KLHL22: variants seen among roughly 807,000 people sequenced by gnomAD.
The protein encoded by KLHL22 is kelch like family member 22, also known as kelch-like protein 22.
KLHL22 carries 18 observed loss-of-function variants against 60.7 expected under a neutral mutation model. That is an observed-to-expected ratio of 0.30 (90% confidence interval 0.20 to 0.44). The LOEUF (loss-of-function observed/expected upper bound fraction) is 0.44, where lower values mean the gene tolerates loss of function less well. Among genes scored for constraint, KLHL22 ranks in the 20% least tolerant of loss-of-function variants. The pLI is 1.00. For synonymous variants in KLHL22, 355 were observed against 354.5 expected (o/e 1.00, Z -0.01); for missense variants, 596 against 852.3 (o/e 0.70, Z 3.74).
chr22:20,448,071 C>A (rs2052906368), intron 5 of KLHL22, among the ~76,000 whole-genome samples: 1 of 152,148 alleles, frequency 6.6e-6, no homozygotes, highest in African/African-American at 2.4e-5. Flanking sequence ...ACCTCCCTTA[C>A]CCTAATCCCT....
chr22:20,457,639 G>A (rs1361649570), intron 5 of KLHL22, among the ~76,000 whole-genome samples, 169 bp downstream of exon 5: 1 of 152,184 alleles, frequency 6.6e-6, no homozygotes, highest in Non-Finnish European at 1.5e-5. Flanking sequence ...GAACCTCATG[G>A]GGCCTCATCA....
Position 20,441,996 on chromosome 22 carries a change from G to A in KLHL22, c.*77C>T. The A allele has an allele frequency of 1.4e-6, 2 of 1,418,356 alleles. No individual in the cohort carries two copies. The highest frequency in any genetic ancestry group is 1.9e-6 in the Non-Finnish European group (2 of 1,069,952). The allele number at this position is 1,418,356 out of a possible 1,614,324, so 87.9% of individuals were successfully genotyped here. Reference sequence around the variant, plus strand: ...GCAGGGGCCCTGCCTGGAGTAAAGTGCTCTGGCCTAGGCTGCGTGGGTTTC... The same window carrying A: ...GCAGGGGCCCTGCCTGGAGTAAAGTACTCTGGCCTAGGCTGCGTGGGTTTC... On this transcript the variant is annotated 3_prime_UTR_variant, in exon 7 of 7. Coordinates refer to ENST00000328879, the MANE Select transcript of KLHL22 (RefSeq NM_032775.4).
At chr22:20,470,826 G>GGATC (rs1178823777) in intron 3 of KLHL22, among the ~76,000 whole-genome samples, 14 of 143,490 alleles carry the variant, frequency 9.8e-5, no homozygotes, top group Admixed American at 8.1e-4. Context: ...ATGGATGGAT[G>GGATC]GATGCATGCA....
At chr22:20,448,501 C>T (rs909363659) in intron 5 of KLHL22, among the ~76,000 whole-genome samples, 2 of 152,188 alleles carry the variant, frequency 1.3e-5, no homozygotes, top group African/African-American at 4.8e-5. Flanking sequence ...TTGAAAACAC[C>T]TGATTTGTTT....
At chr22:20,485,323 T>C (rs2053567527) in intron 2 of KLHL22, among the ~76,000 whole-genome samples, 1 of 152,056 alleles carries the variant, frequency 6.6e-6, no homozygotes. Flanking sequence ...CCAAAGTAAG[T>C]GTGCAATGAA....
At chr22:20,443,860 C>T (rs1479937960) in intron 6 of KLHL22, among the ~76,000 whole-genome samples, 2 of 151,880 alleles carry the variant, frequency 1.3e-5, no homozygotes, top group Non-Finnish European at 2.9e-5. Flanking sequence ...CCAGCCTGGC[C>T]GACATGGCAA....
intron 2 of KLHL22, among the ~76,000 whole-genome samples, chr22:20,484,664 TCAAA>T (rs1397875086): frequency 1.3e-5 from 2 of 151,848 alleles, no homozygotes; most frequent in Admixed American, 6.6e-5. Context: ...ACTCTTGGGC[TCAAA>T]CAATCTGCCC....
chr22:20,468,571 T>C (rs1383336605), intron 3 of KLHL22, among the ~76,000 whole-genome samples: 2 of 152,180 alleles, frequency 1.3e-5, no homozygotes, highest in African/African-American at 4.8e-5. Context: ...CAAAAGTCAC[T>C]AGCTATGTGA....
At chr22:20,481,111 G>T (rs868242284) in intron 2 of KLHL22, 1 of 151,742 alleles carries the variant, frequency 6.6e-6, no homozygotes, top group Non-Finnish European at 1.5e-5. Flanking sequence ...GATTACACGC[G>T]TTGGCCACCG....
At chr22:20,471,087 T>C (rs555589194) in intron 3 of KLHL22, among the ~76,000 whole-genome samples, 8 of 152,276 alleles carry the variant, frequency 5.3e-5, no homozygotes, top group African/African-American at 1.9e-4. Flanking sequence ...ATGCTTTCAA[T>C]GACAGGGAGA....
chr22:20,464,952 A>T lies in KLHL22; in HGVS notation c.1018T>A (p.Ser340Thr). ...TTGAGCACCGCGATGCCCTGGTTGG[A>T]CATGCGGGGGGCCAGGGAGGCAGTG... ...HFTASLAPRM[S>T]NQGIAVLNNF... Residue 340 changes from serine to threonine, a missense_variant, in exon 4 of 7, where the codon TCC becomes ACC. Transcript: ENST00000328879. 1 of 1,606,040 alleles carries T rather than the reference A, an allele frequency of 6.2e-7. No homozygotes were observed. Among genetic ancestry groups the T allele is most frequent in the Non-Finnish European group, 8.5e-7 (1 of 1,176,162 alleles).
intron 6 of KLHL22, among the ~76,000 whole-genome samples, chr22:20,444,707 T>C (rs1207203372): frequency 1.3e-5 from 2 of 152,244 alleles, no homozygotes; most frequent in African/African-American, 4.8e-5. Flanking sequence ...ATGATGAAGA[T>C]TGAGTGTTAA....
chr22:20,489,946 A>G, intron 1 of KLHL22: 1 of 375,958 alleles, frequency 2.7e-6, no homozygotes, highest in Non-Finnish European at 5.4e-6. Flanking sequence ...TTATCTTCTA[A>G]TAATTGAGTC....
Position 20,451,959 on chromosome 22 carries a change from G to A in KLHL22, c.1306-5283C>T, listed in dbSNP as rs148867874. The A allele has an allele frequency of 5.7e-4, 434 of 765,758 alleles. 1 individual carries two copies. The African/African-American group carries it at 6.8e-3, about 12-fold the overall frequency. 47.4% of individuals were successfully genotyped at this position (765,758 alleles called of 1,614,324 possible). A position where few individuals can be genotyped will look rare whatever the true frequency, so the allele number is the denominator to read the frequency against. Reference sequence around the variant, plus strand: ...TACAGGCACCAGTGCAGTGATGATTGTACTTATTTGACACATACTCCCCCT... The same window carrying A: ...TACAGGCACCAGTGCAGTGATGATTATACTTATTTGACACATACTCCCCCT... On this transcript the variant is annotated intron_variant, in intron 5 of 6. Transcript: ENST00000328879.
rs752836432 is a variant in KLHL22, at chr22:20,471,478, C to G, written c.265G>C (p.Glu89Gln). 3.1e-6 allele frequency: 5 copies of G among 1,613,968 alleles called. No individual in the cohort carries two copies. Residue 89 changes from glutamate (E) to glutamine (Q), a missense_variant, in exon 3 of 7, where the codon GAA becomes CAA. Physicochemically the swap from Glu to Gln is conservative, Grantham distance 29. Coordinates refer to ENST00000328879, the MANE Select transcript of KLHL22 (RefSeq NM_032775.4). ...GACACACCGTGGATCAGGACCTCTT[C>G]CTGTTCCATCTCCTTCAATCCCCCA... ...FAGGLKEMEQ[E>Q]EVLIHGVSYN...
chr22:20,444,042 C>A (rs1320075428), intron 6 of KLHL22, among the ~76,000 whole-genome samples: 5 of 130,752 alleles, frequency 3.8e-5, no homozygotes, highest in Non-Finnish European at 4.7e-5. Context: ...CAAAGCAAGA[C>A]TCCATCTCAT....
Position 20,489,039 on chromosome 22 carries a change from C to T in KLHL22, c.173G>A (p.Gly58Asp), listed in dbSNP as rs2053636887. Residue 58 changes from glycine (G) to aspartate (D), a missense_variant, in exon 2 of 7, where the codon GGC (glycine) becomes GAC (aspartate). Coordinates refer to ENST00000328879, the MANE Select transcript of KLHL22 (RefSeq NM_032775.4). ...GATGCGATGGGCCTCGATGTGTCTGCCCTCCACCACCAGCACAACATCGAA... is the reference window on the plus strand; with the variant it reads ...GATGCGATGGGCCTCGATGTGTCTGTCCTCCACCACCAGCACAACATCGAA... ...ILFDVVLVVE[G>D]RHIEAHRILL... 3.7e-6 allele frequency: 6 copies of T among 1,613,916 alleles called. No homozygotes were observed. The highest frequency in any genetic ancestry group is 2.7e-5 in the African/African-American group (2 of 74,916).
Position 20,465,525 on chromosome 22 carries a change from C to T in KLHL22, c.445G>A (p.Glu149Lys), listed in dbSNP as rs759282661. 3 of 1,607,672 alleles carry T rather than the reference C, an allele frequency of 1.9e-6. No individual in the cohort carries two copies. The highest frequency in any genetic ancestry group is 1.1e-5 in the South Asian group (1 of 90,928). The change falls in exon 4 of 7, where the codon GAA becomes AAA. Residue 149 changes from glutamate (E) to lysine (K), a missense_variant. Glu to Lys is a moderately conservative substitution (Grantham distance 56). Transcript: ENST00000328879. The surrounding 1 kb of genome is among the most constrained non-coding windows in gnomAD (Gnocchi z 4.9). Reference protein sequence around the residue: ...CCDFLMSWVDEENILDVYRLA... With the variant: ...CCDFLMSWVDKENILDVYRLA... ...CGGTAGACATCGAGAATGTTCTCTT[C>T]GTCCACCCAGGACATGAGGAAATCA... is the stretch of plus-strand genomic sequence containing the variant.
chr22:20,487,826 C>A (rs1319333987), intron 2 of KLHL22, among the ~76,000 whole-genome samples: 1 of 152,158 alleles, frequency 6.6e-6, no homozygotes, highest in African/African-American at 2.4e-5. Flanking sequence ...GACACTAAAT[C>A]AAGAAGGGCT....
Sources: allele counts gnomAD v4.1 joint callset (sites outside exome capture counted in the v4.1 genomes callset), GRCh38; gene constraint gnomAD v4.1.1; non-coding constraint Gnocchi (gnomAD v3.1); transcripts MANE v1.5; gene names NCBI Gene and HGNC (gene_info 2026-07-23, HGNC 2026-07-21).